SGK3: variants seen among roughly 807,000 people sequenced by gnomAD.
SGK3 encodes serum/glucocorticoid regulated kinase family member 3.
A neutral mutation model predicts 68.5 loss-of-function variants in SGK3; 47 were observed. That is an observed-to-expected ratio of 0.69 (90% CI 0.54 to 0.87). SGK3 has a LOEUF of 0.87. Among genes scored for constraint, SGK3 ranks in the 40% least tolerant of loss-of-function variants. The pLI, the probability that SGK3 is intolerant of heterozygous loss-of-function variation, is 0.00. For synonymous variants in SGK3, 181 were observed against 189.1 expected (o/e 0.96, Z 0.35); for missense variants, 479 against 575.5 (o/e 0.83, Z 1.72).
In SGK3 at chr8:66,835,818, A is replaced by C; in HGVS notation, c.581A>C (p.Gln194Pro). Residue 194 changes from glutamine to proline, a missense_variant, in exon 9 of 17, where the codon CAG (glutamine) becomes CCG (proline). Gln to Pro is a moderately conservative substitution (Grantham distance 76, BLOSUM62 -1). Coordinates refer to ENST00000521198, the MANE Select transcript of SGK3 (RefSeq NM_001033578.3). Reference protein sequence around the residue: ...DGKFYAVKVLQKKIVLNRKEQ... With the variant: ...DGKFYAVKVLPKKIVLNRKEQ... ...AAATTTTATGCTGTCAAAGTGTTAC[A>C]GAAAAAAATAGTTCTCAACAGAAAA... 6.2e-7 allele frequency: 1 copy of C among 1,610,438 alleles called. No homozygotes were observed. The highest frequency in any genetic ancestry group is 8.5e-7 in the Non-Finnish European group (1 of 1,179,230).
intron 1 of SGK3, among the ~76,000 whole-genome samples, chr8:66,760,614 G>T (rs368020801): frequency 5.3e-5 from 8 of 152,006 alleles, no homozygotes; most frequent in Non-Finnish European, 1.0e-4. Context: ...GATTACAGGC[G>T]TGAGTCACTG....
chr8:66,816,118 G>A (rs556275045), intron 5 of SGK3, among the ~76,000 whole-genome samples: 1 of 151,824 alleles, frequency 6.6e-6, no homozygotes, highest in South Asian at 2.1e-4. Context: ...TCCTGCCTCA[G>A]CCTCCCCAGT....
intron 1 of SGK3, among the ~76,000 whole-genome samples, chr8:66,720,477 A>G (rs1183871749): frequency 6.6e-6 from 1 of 152,170 alleles, no homozygotes; most frequent in Non-Finnish European, 1.5e-5. Flanking sequence ...TACAAAAAAT[A>G]TAAAAAATTG....
At chr8:66,790,632 C>T (rs964590068) in intron 1 of SGK3, 3 of 152,134 alleles carry the variant, frequency 2.0e-5, no homozygotes, top group African/African-American at 4.8e-5. Context: ...ATGAAGGGCT[C>T]GAATAAAACA....
intron 1 of SGK3, among the ~76,000 whole-genome samples, chr8:66,783,974 C>T (rs1416805296): frequency 1.3e-5 from 2 of 151,886 alleles, no homozygotes; most frequent in Admixed American, 1.3e-4. Context: ...TAGCTGTAAT[C>T]TCCACCTCTG....
intron 5 of SGK3, among the ~76,000 whole-genome samples, chr8:66,820,577 G>A (rs895738893): frequency 1.3e-5 from 2 of 152,170 alleles, no homozygotes; most frequent in African/African-American, 4.8e-5. Flanking sequence ...CCTAGGTTTG[G>A]AATTGCAGGG....
At chr8:66,762,868 G>T (rs183836905) in intron 1 of SGK3, among the ~76,000 whole-genome samples, 249 of 152,284 alleles carry the variant, frequency 1.6e-3, no homozygotes, top group Non-Finnish European at 3.0e-3. Context: ...TCTGACCCCT[G>T]CAGTCCCTAT....
At chr8:66,721,679 T>C (rs1415772618) in intron 1 of SGK3, among the ~76,000 whole-genome samples, 1 of 145,620 alleles carries the variant, frequency 6.9e-6, no homozygotes, top group East Asian at 1.9e-4. Flanking sequence ...TTTAAAGCTA[T>C]TTATAATTTT....
At chr8:66,733,410 A>C (rs1175836217) in intron 1 of SGK3, among the ~76,000 whole-genome samples, 1 of 152,214 alleles carries the variant, frequency 6.6e-6, no homozygotes, top group Non-Finnish European at 1.5e-5. Context: ...CCTGTTAGCA[A>C]CACTGAATGT....
intron 1 of SGK3, among the ~76,000 whole-genome samples, chr8:66,787,768 G>A (rs894584926): frequency 7.2e-5 from 11 of 152,228 alleles, no homozygotes; most frequent in African/African-American, 2.7e-4. Context: ...ATTCTGTGCT[G>A]TAGTGAAAGG....
At chr8:66,752,499 A>G (rs1386211489) in intron 1 of SGK3, among the ~76,000 whole-genome samples, 1 of 152,188 alleles carries the variant, frequency 6.6e-6, no homozygotes, top group African/African-American at 2.4e-5. Flanking sequence ...AATACCCCCT[A>G]TGTAGCAGAA....
chr8:66,794,823 C>T (rs1807610115), intron 2 of SGK3, among the ~76,000 whole-genome samples: 1 of 152,188 alleles, frequency 6.6e-6, no homozygotes, highest in Admixed American at 6.5e-5. Flanking sequence ...GCCATTTGAG[C>T]TATAAAGTGG....
At chr8:66,802,843 A>G (rs1808003337) in intron 3 of SGK3, among the ~76,000 whole-genome samples, 1 of 152,144 alleles carries the variant, frequency 6.6e-6, no homozygotes, top group South Asian at 2.1e-4. Flanking sequence ...TTATGTTACC[A>G]TCCAGCTTCA....
At chr8:66,769,985 G>T (rs1038044009) in intron 1 of SGK3, among the ~76,000 whole-genome samples, 1 of 152,082 alleles carries the variant, frequency 6.6e-6, no homozygotes, top group Non-Finnish European at 1.5e-5. Flanking sequence ...ACGGAGCCTC[G>T]CTCTGTTGCC....
chr8:66,722,394 T>C (rs1804819835), intron 1 of SGK3, among the ~76,000 whole-genome samples: 1 of 152,232 alleles, frequency 6.6e-6, no homozygotes, highest in Non-Finnish European at 1.5e-5. Flanking sequence ...GCGGTTCTCC[T>C]GCCTTAGCCT....
At chr8:66,743,688 AT>A (rs1805546182) in intron 1 of SGK3, among the ~76,000 whole-genome samples, 1 of 152,176 alleles carries the variant, frequency 6.6e-6, no homozygotes, top group Non-Finnish European at 1.5e-5. Context: ...TGCCCAGCTA[AT>A]TTTTGTGTTT....
intron 1 of SGK3, among the ~76,000 whole-genome samples, chr8:66,754,734 C>T (rs1000164643): frequency 6.6e-6 from 1 of 152,248 alleles, no homozygotes; most frequent in African/African-American, 2.4e-5. Flanking sequence ...TCATCGCCCA[C>T]GTGGACAATC....
chr8:66,713,867 G>A lies in SGK3; in HGVS notation c.-122+1034G>A, dbSNP rs187773794. 5.9e-5 allele frequency among the ~76,000 whole-genome samples: 9 copies of A among 152,332 alleles called. No homozygotes were observed. In the East Asian group the frequency reaches 1.3e-3, roughly 23 times the overall value. On this transcript the variant is annotated intron_variant, in intron 1 of 16. Coordinates refer to ENST00000521198, the MANE Select transcript of SGK3 (RefSeq NM_001033578.3). ...TTAGGCATGTTTTAGCACCGGGTGT[G>A]CCTTCTGGTCCCCTTGGCTACCACT...
intron 1 of SGK3, among the ~76,000 whole-genome samples, chr8:66,768,271 A>G (rs1035528717): frequency 6.6e-6 from 1 of 152,148 alleles, no homozygotes; most frequent in African/African-American, 2.4e-5. Flanking sequence ...AAAAATCAAA[A>G]TATGTTTAGT....
Sources: gnomAD v4.1 joint callset for allele counts (sites outside exome capture counted in the v4.1 genomes callset) on GRCh38, gnomAD v4.1.1 for gene constraint, MANE v1.5 for transcripts, NCBI Gene and HGNC (gene_info 2026-07-23, HGNC 2026-07-21) for gene names.